The following YTHDC1 variants were observed in gnomAD, a reference collection of about 807,000 sequenced individuals.
YTHDC1 encodes YTH N6-methyladenosine RNA binding protein C1, also known as YTH domain-containing protein 1.
Under a neutral mutation model 107.0 loss-of-function variants are expected in YTHDC1, and 12 were observed. The ratio of observed to expected loss-of-function variants is 0.11; its 90% CI spans 0.07 to 0.18. The LOEUF is 0.18. Ranked by LOEUF, YTHDC1 falls within the 10% of genes least tolerant of loss-of-function variation. The probability of loss-of-function intolerance (pLI) is 1.00; values close to 1 mark genes in which losing one functional copy is unlikely to be tolerated. For missense variants in YTHDC1, 635 were observed against 898.8 expected (o/e 0.71, Z 3.75); for synonymous variants, 280 against 289.5 (o/e 0.97, Z 0.33).
Position 68,330,057 on chromosome 4 carries a change from C to A in YTHDC1, c.1294G>T (p.Ala432Ser), listed in dbSNP as rs1471468884. 1 of 1,613,800 alleles carries A rather than the reference C, an allele frequency of 6.2e-7. No individual in the cohort carries two copies. The highest frequency in any genetic ancestry group is 8.5e-7 in the Non-Finnish European group (1 of 1,179,782). The change falls in exon 9 of 17, where the codon GCA becomes TCA. Residue 432 changes from alanine (A) to serine (S), a missense_variant. This residue lies in a region of YTHDC1 where 60 missense variants were observed against 172.0 expected (regional missense o/e 0.35). Coordinates refer to ENST00000344157, the MANE Select transcript of YTHDC1 (RefSeq NM_001031732.4). ...CCCAGCATTTTAGCACTCATTCCTGCTGGAAGCACCCAGTGTATAGGAGAT... is the reference window on the plus strand; with the variant it reads ...CCCAGCATTTTAGCACTCATTCCTGATGGAAGCACCCAGTGTATAGGAGAT... ...GGSPIHWVLPAGMSAKMLGGV... is the reference protein window; with the variant it reads ...GGSPIHWVLPSGMSAKMLGGV...
At position 68,311,915 on chromosome 4, in the gene YTHDC1, A is replaced by C. The variant is rs1227474607; in HGVS notation, c.*2184T>G. The C allele has an allele frequency of 2.0e-5, 3 of 152,238 alleles. No homozygotes were observed. The highest frequency in any genetic ancestry group is 4.8e-5 in the African/African-American group (2 of 41,450). 9.4% of individuals were successfully genotyped at this position (152,238 alleles called of 1,614,324 possible). A position where few individuals can be genotyped will look rare whatever the true frequency, so the allele number is the denominator to read the frequency against. ...GTAATCCCAACACTTTAGGAGGCTG[A>C]GGCAGGTGAGGTCACTTGAGGTCGA... On this transcript the variant is annotated 3_prime_UTR_variant, in exon 17 of 17. Coordinates refer to ENST00000344157, the MANE Select transcript of YTHDC1 (RefSeq NM_001031732.4).
At chr4:68,314,437 G>A in intron 16 of YTHDC1, 114 bp from the exon 17 acceptor site, 1 of 887,554 alleles carries the variant, frequency 1.1e-6, no homozygotes, top group Non-Finnish European at 1.6e-6. Context: ...AAAAAGAAAA[G>A]TCTCTGTATT....
At chr4:68,331,349 G>T (rs946369275) in intron 7 of YTHDC1, among the ~76,000 whole-genome samples, 3 of 152,040 alleles carry the variant, frequency 2.0e-5, no homozygotes, top group Non-Finnish European at 4.4e-5. Flanking sequence ...GCTATTTGGT[G>T]TACTGTTTCC....
At chr4:68,334,197 T>C (rs1366453039) in intron 4 of YTHDC1, among the ~76,000 whole-genome samples, 2 of 152,170 alleles carry the variant, frequency 1.3e-5, no homozygotes, top group East Asian at 3.8e-4. Flanking sequence ...AGTTTTACCA[T>C]GATAAGCTCC....
intron 7 of YTHDC1, among the ~76,000 whole-genome samples, chr4:68,330,814 GAA>G (rs1230140195): frequency 2.0e-5 from 3 of 151,526 alleles, no homozygotes; most frequent in Non-Finnish European, 2.9e-5. Flanking sequence ...TAGTTTGACT[GAA>G]GAGGCCTACG....
At chr4:68,329,977 A>C in intron 9 of YTHDC1, 25 bp downstream of exon 9, 2 of 1,539,418 alleles carry the variant, frequency 1.3e-6, no homozygotes, top group Non-Finnish European at 1.8e-6. Context: ...AATTTCAGTT[A>C]TCTATACTGA....
intron 4 of YTHDC1, among the ~76,000 whole-genome samples, chr4:68,336,261 C>G (rs1011656847): frequency 1.1e-4 from 16 of 152,060 alleles, no homozygotes; most frequent in African/African-American, 3.6e-4. Context: ...ATAAGACAGT[C>G]ATGAGATTAT....
intron 1 of YTHDC1, among the ~76,000 whole-genome samples, chr4:68,339,799 GTGTGGAC>G (rs1724615292): frequency 6.6e-6 from 1 of 152,092 alleles, no homozygotes; most frequent in African/African-American, 2.4e-5. Flanking sequence ...GAGCCTGCTG[GTGTGGAC>G]TGTAAAAGCA....
At chr4:68,316,206 A>C in intron 16 of YTHDC1, 108 bp downstream of exon 16, 1 of 1,247,844 alleles carries the variant, frequency 8.0e-7, no homozygotes, top group Admixed American at 2.5e-5. Flanking sequence ...AGTCTGCAGT[A>C]AGAATATGCA....
chr4:68,317,684 C>A (rs1437415489), intron 15 of YTHDC1, among the ~76,000 whole-genome samples: 2 of 152,130 alleles, frequency 1.3e-5, no homozygotes, highest in East Asian at 3.9e-4. Context: ...AGGCACTATG[C>A]TAAACTTAAC....
chr4:68,333,302 G>C lies in YTHDC1; in HGVS notation c.973+6C>G, dbSNP rs1723792244. 1 of 1,603,112 alleles carries C rather than the reference G, an allele frequency of 6.2e-7. No individual in the cohort carries two copies. The highest frequency in any genetic ancestry group is 1.7e-5 in the Admixed American group (1 of 59,094). On this transcript the variant is annotated splice_donor_region_variant and intron_variant, in intron 5 of 16. Coordinates refer to ENST00000344157, the MANE Select transcript of YTHDC1 (RefSeq NM_001031732.4). ...CAAGTCAGATATGATCACAAAATGA[G>C]AATACCTGCATATGACTCTGATGCA...
At chr4:68,333,936 A>G (rs1458273636) in intron 4 of YTHDC1, among the ~76,000 whole-genome samples, 1 of 152,064 alleles carries the variant, frequency 6.6e-6, no homozygotes, top group Non-Finnish European at 1.5e-5. Context: ...TGTGTCTTCT[A>G]TTTCATTCTC....
intron 1 of YTHDC1, 174 bp from the exon 2 acceptor site, chr4:68,338,558 G>A (rs1724481564): frequency 5.5e-6 from 3 of 540,758 alleles, no homozygotes; most frequent in Non-Finnish European, 9.5e-6. Context: ...ACTAATACAG[G>A]GTAAAGAATT....
chr4:68,346,442 T>C (rs1725452041), intron 1 of YTHDC1, among the ~76,000 whole-genome samples: 1 of 152,150 alleles, frequency 6.6e-6, no homozygotes, highest in Non-Finnish European at 1.5e-5. Flanking sequence ...GTTTTGCTTT[T>C]GAGGGTTTGT....
chr4:68,330,340 G>A (rs763749933), intron 7 of YTHDC1, 30 bp from the exon 8 acceptor site: 8 of 1,375,994 alleles, frequency 5.8e-6, no homozygotes, highest in Non-Finnish European at 7.8e-6. Context: ...ACCACAAAGT[G>A]AAATTAACTA....
chr4:68,343,309 C>CT (rs1725053414), intron 1 of YTHDC1, among the ~76,000 whole-genome samples: 1 of 151,542 alleles, frequency 6.6e-6, no homozygotes, highest in South Asian at 2.1e-4. Flanking sequence ...AGTGATTCTC[C>CT]TGCCTCAGCC....
intron 15 of YTHDC1, 86 bp downstream of exon 15, chr4:68,318,433 T>G: frequency 7.6e-7 from 1 of 1,321,320 alleles, no homozygotes; most frequent in Non-Finnish European, 1.0e-6. Context: ...AATGAGTAAC[T>G]GTAACAATCA....
chr4:68,314,030 G>T lies in YTHDC1; in HGVS notation c.*69C>A. On this transcript the variant is annotated 3_prime_UTR_variant, in exon 17 of 17. Transcript: ENST00000344157. ...ACAGCTGAAAATAAATTTACTACTTGTAAACACACACAAAAAAAAAATACA... is the reference window on the plus strand; with the variant it reads ...ACAGCTGAAAATAAATTTACTACTTTTAAACACACACAAAAAAAAAATACA... 1 of 1,504,866 alleles carries T rather than the reference G, an allele frequency of 6.6e-7. No individual in the cohort carries two copies. The allele number at this position is 1,504,866 out of a possible 1,614,324, so 93.2% of individuals were successfully genotyped here.
At chr4:68,328,680 T>C (rs192938313) in intron 9 of YTHDC1, among the ~76,000 whole-genome samples, 1 of 152,370 alleles carries the variant, frequency 6.6e-6, no homozygotes, top group Non-Finnish European at 1.5e-5. Context: ...GAGTATTTTT[T>C]CTGCACATAG....
Sources: gnomAD v4.1 joint callset for allele counts (sites outside exome capture counted in the v4.1 genomes callset) on GRCh38, gnomAD v4.1.1 for gene constraint, gnomAD v4.1.1 regional missense constraint, MANE v1.5 for transcripts, NCBI Gene and HGNC (gene_info 2026-07-23, HGNC 2026-07-21) for gene names.